Variants in TEX11 observed in about 807,000 individuals in gnomAD.
The protein encoded by TEX11 is testis expressed 11.
A neutral mutation model predicts 84.4 loss-of-function variants in TEX11; 7 were observed. The observed-to-expected ratio is 0.08, with a 90% confidence interval of 0.05 to 0.16. The LOEUF (loss-of-function observed/expected upper bound fraction) is 0.16, where lower values mean the gene tolerates loss of function less well. TEX11 is among the 10% of genes least tolerant of loss of function. The probability of loss-of-function intolerance (pLI) is 1.00; values close to 1 mark genes in which losing one functional copy is unlikely to be tolerated. For synonymous variants in TEX11, 264 were observed against 222.8 expected (o/e 1.18, Z -1.64); for missense variants, 551 against 660.5 (o/e 0.83, Z 1.82).
downstream of TEX11, among the ~76,000 whole-genome samples, chrX:70,525,705 C>G (rs1191725321): frequency 8.9e-6 from 1 of 111,925 alleles, no homozygotes; most frequent in African/African-American, 3.2e-5. Flanking sequence ...GGACATTAAT[C>G]AAATTATTCC....
chrX:70,721,138 G>C (rs1403148698), intron 13 of TEX11, among the ~76,000 whole-genome samples: 2 of 111,561 alleles, frequency 1.8e-5, no homozygotes, highest in African/African-American at 3.3e-5. Flanking sequence ...ATTTAGAATA[G>C]TGCCTAGTAA....
intron 17 of TEX11, among the ~76,000 whole-genome samples, chrX:70,646,992 G>T (rs1008552543): frequency 9.0e-6 from 1 of 111,712 alleles, no homozygotes; most frequent in African/African-American, 3.2e-5. Context: ...CTGTTTATCG[G>T]TGGATAAGTG....
At chrX:70,569,031 C>T (rs1405673376) in intron 25 of TEX11, among the ~76,000 whole-genome samples, 1 of 111,835 alleles carries the variant, frequency 8.9e-6, no homozygotes, top group East Asian at 2.8e-4. Context: ...TCCCCGTCAC[C>T]TTCAGGTACA....
chrX:70,626,868 A>C (rs760553744), intron 18 of TEX11, among the ~76,000 whole-genome samples: 1 of 112,165 alleles, frequency 8.9e-6, no homozygotes, highest in African/African-American at 3.2e-5. Context: ...TCAACTCCCT[A>C]ATACCTCCTC....
intron 9 of TEX11, among the ~76,000 whole-genome samples, chrX:70,786,047 T>G (rs914749358): frequency 4.5e-5 from 5 of 111,955 alleles, no homozygotes; most frequent in Non-Finnish European, 9.4e-5. Flanking sequence ...CTATTCACAA[T>G]AGTAAAGACT....
chrX:70,733,699 A>G (rs1280214854), intron 11 of TEX11, among the ~76,000 whole-genome samples: 1 of 111,588 alleles, frequency 9.0e-6, no homozygotes, highest in African/African-American at 3.3e-5. Flanking sequence ...CTTTTACACT[A>G]CTGGTCGGAC....
At chrX:70,639,766 T>C (rs1165399137) in intron 17 of TEX11, among the ~76,000 whole-genome samples, 1 of 111,602 alleles carries the variant, frequency 9.0e-6, no homozygotes, top group Non-Finnish European at 1.9e-5. Flanking sequence ...AAAACCCATC[T>C]GTACATCACC....
At chrX:70,763,847 A>G (rs968550035) in intron 9 of TEX11, among the ~76,000 whole-genome samples, 2 of 111,982 alleles carry the variant, frequency 1.8e-5, no homozygotes, top group African/African-American at 3.2e-5. Flanking sequence ...AGCAAATATT[A>G]TCAGAGATAA....
chrX:70,600,665 A>G (rs1261414333), intron 24 of TEX11, among the ~76,000 whole-genome samples: 4 of 96,806 alleles, frequency 4.1e-5, no homozygotes, highest in Non-Finnish European at 6.2e-5. Context: ...ATAACAAACT[A>G]TCTCTCAGAC....
chrX:70,754,434 T>C (rs139628478), intron 9 of TEX11, among the ~76,000 whole-genome samples: 11 of 111,408 alleles, frequency 9.9e-5, no homozygotes, highest in African/African-American at 3.6e-4. Flanking sequence ...CAGTAAAATA[T>C]AATAGAGCAC....
intron 10 of TEX11, among the ~76,000 whole-genome samples, chrX:70,741,376 C>A (rs756977352): frequency 9.0e-6 from 1 of 111,435 alleles, no homozygotes; most frequent in African/African-American, 3.3e-5. Flanking sequence ...CAAAAACAGT[C>A]AAAAATAATC....
chrX:70,866,328 G>A (rs2091598806), intron 4 of TEX11, among the ~76,000 whole-genome samples: 1 of 107,672 alleles, frequency 9.3e-6, no homozygotes, highest in African/African-American at 3.4e-5. Context: ...ACTCTCCCAA[G>A]ACAAAACCAG....
intron 25 of TEX11, among the ~76,000 whole-genome samples, chrX:70,572,617 A>T (rs5936928): frequency 0.42 from 46,077 of 109,122 alleles, 8,307 homozygotes; most frequent in East Asian, 0.6. Flanking sequence ...TCCAACAATG[A>T]TAGACTGGAT....
chrX:70,517,797 G>A, the TEX11 span, among the ~76,000 whole-genome samples: 1 of 111,226 alleles, frequency 9.0e-6, no homozygotes, highest in Admixed American at 9.6e-5. Flanking sequence ...CTCAATTTCA[G>A]AGCCTGTTAT....
At chrX:70,736,193 T>A (rs1263979631) in intron 11 of TEX11, among the ~76,000 whole-genome samples, 1 of 111,434 alleles carries the variant, frequency 9.0e-6, no homozygotes, top group Non-Finnish European at 1.9e-5. Context: ...ACCTATGCCT[T>A]TTATATTTAT....
intron 16 of TEX11, among the ~76,000 whole-genome samples, chrX:70,658,630 G>A (rs2089896453): frequency 9.0e-6 from 1 of 110,976 alleles, no homozygotes; most frequent in Non-Finnish European, 1.9e-5. Flanking sequence ...AAGAAGGAAT[G>A]AAGATAATGT....
chrX:70,517,471 C>G, the TEX11 span, among the ~76,000 whole-genome samples: 2 of 110,921 alleles, frequency 1.8e-5, no homozygotes, highest in African/African-American at 6.6e-5. Flanking sequence ...AGGGTTGAAG[C>G]CAACTTGATC....
intron 25 of TEX11, among the ~76,000 whole-genome samples, chrX:70,581,763 A>G (rs1300104677): frequency 8.9e-6 from 1 of 112,008 alleles, no homozygotes; most frequent in East Asian, 2.8e-4. Flanking sequence ...TGTGAGAGAT[A>G]GTTCTCAATT....
chrX:70,672,550 A>C (rs1265499606), intron 15 of TEX11, among the ~76,000 whole-genome samples: 4 of 111,970 alleles, frequency 3.6e-5, no homozygotes, highest in Admixed American at 1.9e-4. Context: ...TCTAAGAATT[A>C]TGTATTGGTA....
Sources: gnomAD v4.1 joint callset for allele counts (sites outside exome capture counted in the v4.1 genomes callset) on GRCh38, gnomAD v4.1.1 for gene constraint, MANE v1.5 for transcripts, NCBI Gene and HGNC (gene_info 2026-07-23, HGNC 2026-07-21) for gene names.